The following RAI1 variants were observed in gnomAD, a reference collection of about 807,000 sequenced individuals.
The protein encoded by RAI1 is retinoic acid-induced protein 1.
Under a neutral mutation model 123.8 loss-of-function variants are expected in RAI1, and 9 were observed. That is an observed-to-expected ratio of 0.07 (90% CI 0.04 to 0.13). RAI1 has a LOEUF of 0.13. Among genes scored for constraint, RAI1 ranks in the 10% least tolerant of loss-of-function variants. The pLI is 1.00. For synonymous variants in RAI1, 1,231 were observed against 1,127.3 expected, an observed-to-expected ratio of 1.09 and a Z score of -1.84; for missense variants, 2,256 against 2,545.8, an observed-to-expected ratio of 0.89 and a Z score of 2.45.
intron 1 of RAI1, among the ~76,000 whole-genome samples, chr17:17,718,589 A>G (rs1020027933): frequency 6.6e-6 from 1 of 152,188 alleles, no homozygotes; most frequent in Non-Finnish European, 1.5e-5. Flanking sequence ...AACGCCTGGA[A>G]CATGGTGGGT....
chr17:17,700,243 C>T (rs1181715131), intron 1 of RAI1, among the ~76,000 whole-genome samples: 1 of 152,196 alleles, frequency 6.6e-6, no homozygotes, highest in African/African-American at 2.4e-5. Flanking sequence ...ATTCTTGGGG[C>T]CTGGGCCCTG....
At position 17,789,318 on chromosome 17, in the gene RAI1, T is replaced by G. The variant is rs577780712; in HGVS notation, c.-16-3615T>G. Among the ~76,000 whole-genome samples, 15 of 152,306 alleles carry G rather than the reference T, an allele frequency of 9.8e-5. No homozygotes were observed. In the South Asian group the frequency reaches 3.1e-3, roughly 32 times the overall value. Reference sequence around the variant, plus strand: ...TTTTCTGTAAAGGGGGAGGAGAGATTAATCAAACCGTTGTTCAAGAAAGCC... The same window carrying G: ...TTTTCTGTAAAGGGGGAGGAGAGATGAATCAAACCGTTGTTCAAGAAAGCC... On this transcript the variant is annotated intron_variant, in intron 2 of 5. Transcript: ENST00000353383.
At chr17:17,702,982 G>A (rs1415987848) in intron 1 of RAI1, among the ~76,000 whole-genome samples, 1 of 152,222 alleles carries the variant, frequency 6.6e-6, no homozygotes, top group Non-Finnish European at 1.5e-5. Context: ...GTGGGGCCCT[G>A]CCTTTCAACT....
Position 17,801,917 on chromosome 17 carries a change from G to A in RAI1, c.5566-1839G>A. On this transcript the variant is annotated intron_variant, in intron 3 of 5. Coordinates refer to ENST00000353383, the MANE Select transcript of RAI1 (RefSeq NM_030665.4). This position sits in a 1 kb window ranked among gnomAD's most constrained non-coding sequence, Gnocchi z 4.1. ...TAATCCCATCATAAGGTTGCTGTGG[G>A]CATGAGGCTTCCAGCCATGCCTGGC... 2 of 383,936 alleles carry A rather than the reference G, an allele frequency of 5.2e-6. No individual in the cohort carries two copies. The highest frequency in any genetic ancestry group is 6.1e-5 in the Admixed American group (2 of 32,966). The allele number at this position is 383,936 out of a possible 1,614,324, so 23.8% of individuals were successfully genotyped here.
chr17:17,696,558 T>C (rs780772522), intron 1 of RAI1, among the ~76,000 whole-genome samples: 2 of 152,286 alleles, frequency 1.3e-5, no homozygotes, highest in Non-Finnish European at 2.9e-5. Flanking sequence ...ACTTCCGAGA[T>C]GAGGCAGACA....
intron 1 of RAI1, among the ~76,000 whole-genome samples, chr17:17,721,838 C>T (rs1437705212): frequency 6.6e-6 from 1 of 152,174 alleles, no homozygotes; most frequent in African/African-American, 2.4e-5. Flanking sequence ...CGGGGCTGCC[C>T]AGGACCTTAG....
chr17:17,765,608 G>C (rs770465175), intron 2 of RAI1, among the ~76,000 whole-genome samples: 12 of 152,248 alleles, frequency 7.9e-5, no homozygotes, highest in Non-Finnish European at 1.6e-4. Context: ...TGAATGCACT[G>C]AACTCACTTC....
intron 1 of RAI1, among the ~76,000 whole-genome samples, chr17:17,723,576 C>A (rs1310511515): frequency 6.7e-6 from 1 of 149,986 alleles, no homozygotes; most frequent in African/African-American, 2.5e-5. Context: ...CGGAGCCTCG[C>A]AGCGGGTGAC....
At chr17:17,784,911 G>T (rs1256658428) in intron 2 of RAI1, among the ~76,000 whole-genome samples, 1 of 152,126 alleles carries the variant, frequency 6.6e-6, no homozygotes, top group African/African-American at 2.4e-5. Flanking sequence ...CAGCCCCCCA[G>T]TCCCACCCAG....
Position 17,795,161 on chromosome 17 carries a change from C to T in RAI1, c.2213C>T (p.Ala738Val), listed in dbSNP as rs781667517. The part of the protein sequence containing the change: ...CFPDTTAASS[A>V]DSANPFAWPE... ...CCGGACACAACCGCTGCCAGCTCAG[C>T]GGACAGCGCCAACCCCTTTGCCTGG... is the stretch of plus-strand genomic sequence containing the variant. The change falls in exon 3 of 6, where the codon GCG becomes GTG. Residue 738 changes from alanine (A) to valine (V), a missense_variant. This residue lies in a region of RAI1 where 566 missense variants were observed against 616.0 expected (regional missense o/e 0.92). Coordinates refer to ENST00000353383, the MANE Select transcript of RAI1 (RefSeq NM_030665.4). This position sits in a 1 kb window ranked among gnomAD's most constrained non-coding sequence, Gnocchi z 5.9. 1.4e-5 allele frequency: 22 copies of T among 1,613,886 alleles called. No individual in the cohort carries two copies. The highest frequency in any genetic ancestry group is 6.7e-5 in the East Asian group (3 of 44,888).
intron 1 of RAI1, among the ~76,000 whole-genome samples, chr17:17,700,330 G>A (rs1463853540): frequency 6.6e-6 from 1 of 151,974 alleles, no homozygotes. Context: ...CCTGTCGCCC[G>A]GCCCCAGGCG....
intron 2 of RAI1, among the ~76,000 whole-genome samples, chr17:17,725,202 C>T (rs1045339064): frequency 2.6e-5 from 4 of 152,224 alleles, no homozygotes; most frequent in Non-Finnish European, 5.9e-5. Flanking sequence ...GGCAGCCCCT[C>T]TTGGGCTTGG....
intron 2 of RAI1, among the ~76,000 whole-genome samples, chr17:17,728,043 C>G (rs1011822751): frequency 1.3e-5 from 2 of 151,828 alleles, no homozygotes; most frequent in African/African-American, 4.8e-5. Flanking sequence ...GCATGCGTGC[C>G]TCTGTGTGTG....
At chr17:17,750,242 T>C (rs2030102109) in intron 2 of RAI1, among the ~76,000 whole-genome samples, 2 of 152,242 alleles carry the variant, frequency 1.3e-5, no homozygotes, top group African/African-American at 4.8e-5. Flanking sequence ...GGTTGCTGTA[T>C]TGGTCTCTCT....
At chr17:17,711,241 C>T (rs1030728583) in intron 1 of RAI1, among the ~76,000 whole-genome samples, 4 of 152,178 alleles carry the variant, frequency 2.6e-5, no homozygotes, top group African/African-American at 7.2e-5. Context: ...TGTCCCTCCT[C>T]GACAGAAACA....
At position 17,810,239 on chromosome 17, in the gene RAI1, G is replaced by A. The variant is rs1007264819; in HGVS notation, c.*258G>A. On this transcript the variant is annotated 3_prime_UTR_variant, in exon 6 of 6. Coordinates refer to ENST00000353383, the MANE Select transcript of RAI1 (RefSeq NM_030665.4). This position sits in a 1 kb window ranked among gnomAD's most constrained non-coding sequence, Gnocchi z 4.6. ...CACAGGGCGTTCTTGCCCACCCCAG[G>A]GGCCAGGCTTGCGGAGGGGGAGCCC... The A allele has an allele frequency of 1.4e-4, 77 of 547,354 alleles. No homozygotes were observed. The highest frequency in any genetic ancestry group is 1.3e-3 in the African/African-American group (65 of 49,648). The allele number at this position is 547,354 out of a possible 1,614,324, so 33.9% of individuals were successfully genotyped here.
chr17:17,761,513 G>A, intron 2 of RAI1, among the ~76,000 whole-genome samples: 1 of 152,216 alleles, frequency 6.6e-6, no homozygotes, highest in East Asian at 1.9e-4. Context: ...TGCCCCGGGG[G>A]ATGGTGGAAG....
At position 17,809,514 on chromosome 17, in the gene RAI1, G is replaced by C; in HGVS notation, c.5709+75G>C. 9 of 1,460,644 alleles carry C rather than the reference G, an allele frequency of 6.2e-6. No homozygotes were observed. The highest frequency in any genetic ancestry group is 8.6e-6 in the Non-Finnish European group (9 of 1,044,376). 90.5% of individuals were successfully genotyped at this position (1,460,644 alleles called of 1,614,324 possible). On this transcript the variant is annotated intron_variant, in intron 5 of 5. Coordinates refer to ENST00000353383, the MANE Select transcript of RAI1 (RefSeq NM_030665.4). This position sits in a 1 kb window ranked among gnomAD's most constrained non-coding sequence, Gnocchi z 4.9. ...AGCCCCACCTCGCACCTCCTTCACA[G>C]TCCCCTGGGCCCCCTTGGCTGCGCA...
intron 1 of RAI1, among the ~76,000 whole-genome samples, chr17:17,713,221 T>C (rs939712738): frequency 2.0e-5 from 3 of 152,136 alleles, no homozygotes; most frequent in Non-Finnish European, 4.4e-5. Context: ...ATAGAAAACA[T>C]TGCAAGGAGC....
Sources: allele counts gnomAD v4.1 joint callset (sites outside exome capture counted in the v4.1 genomes callset), GRCh38; gene constraint gnomAD v4.1.1; regional missense constraint gnomAD v4.1.1; non-coding constraint Gnocchi (gnomAD v3.1); transcripts MANE v1.5; gene names NCBI Gene and HGNC (gene_info 2026-07-23, HGNC 2026-07-21).